Variants in RIMBP2 observed in about 807,000 individuals in gnomAD.
The protein encoded by RIMBP2 is RIMS-binding protein 2.
A neutral mutation model predicts 118.6 loss-of-function variants in RIMBP2; 48 were observed. The observed-to-expected ratio is 0.40, with a 90% CI of 0.32 to 0.51. The LOEUF is 0.51. Ranked by LOEUF, RIMBP2 falls within the 20% of genes least tolerant of loss-of-function variation. The pLI is 0.41. For missense variants in RIMBP2, 1,551 were observed against 1,768.3 expected (o/e 0.88, Z 2.20); for synonymous variants, 762 against 742.9 (o/e 1.03, Z -0.42).
At chr12:130,642,192 T>G (rs1301781834) in intron 1 of RIMBP2, among the ~76,000 whole-genome samples, 1 of 152,164 alleles carries the variant, frequency 6.6e-6, no homozygotes, top group Non-Finnish European at 1.5e-5. Flanking sequence ...AAAGAGAAGA[T>G]GGCTTCCCCT....
In RIMBP2 at chr12:130,683,488, A is replaced by C. The variant is rs531735520; in HGVS notation, c.-352+32734T>G. Among the ~76,000 whole-genome samples, 2 of 152,360 alleles carry C rather than the reference A, an allele frequency of 1.3e-5. No homozygotes were observed. The highest frequency in any genetic ancestry group is 4.1e-4 in the South Asian group (2 of 4,830). ...TGGTATTGTCAGAGGCATGTGAACC[A>C]GAGCAACTCCATCTTGAATAGGGGC... On this transcript the variant is annotated intron_variant, in intron 1 of 22. Coordinates refer to ENST00000690449, the MANE Select transcript of RIMBP2 (RefSeq NM_001393629.1). The surrounding 1 kb of genome is among the most constrained non-coding windows in gnomAD (Gnocchi z 4.4).
intron 2 of RIMBP2, among the ~76,000 whole-genome samples, chr12:130,591,027 A>C (rs915620448): frequency 1.3e-5 from 2 of 152,206 alleles, no homozygotes; most frequent in Non-Finnish European, 2.9e-5. Context: ...AGAAGGATTA[A>C]CATCTTCTCA....
chr12:130,685,540 G>A (rs777528901), intron 1 of RIMBP2, among the ~76,000 whole-genome samples: 11 of 152,090 alleles, frequency 7.2e-5, no homozygotes, highest in Admixed American at 1.3e-4. Context: ...TCTGCCCCTG[G>A]AAGACTGAGT....
At position 130,686,333 on chromosome 12, in the gene RIMBP2, G is replaced by A. The variant is rs558577615; in HGVS notation, c.-352+29889C>T. On this transcript the variant is annotated intron_variant, in intron 1 of 22. Coordinates refer to ENST00000690449, the MANE Select transcript of RIMBP2 (RefSeq NM_001393629.1). ...CACGCTTCACTCCCCTCTGCAAGGT[G>A]CGGCAGCACAGACCCCGCGCCCCCA... Among the ~76,000 whole-genome samples the A allele has an allele frequency of 3.9e-5, 6 of 152,346 alleles. No individual in the cohort carries two copies. The South Asian group carries it at 1.2e-3, about 32-fold the overall frequency.
chr12:130,423,015 A>G (rs1399740064), intron 16 of RIMBP2, among the ~76,000 whole-genome samples: 1 of 152,202 alleles, frequency 6.6e-6, no homozygotes, highest in Non-Finnish European at 1.5e-5. Context: ...TGAGGTTTCA[A>G]AAAACTGAAA....
intron 2 of RIMBP2, among the ~76,000 whole-genome samples, chr12:130,548,038 G>T (rs2055348997): frequency 6.6e-6 from 1 of 152,154 alleles, no homozygotes; most frequent in Admixed American, 6.5e-5. Context: ...AGAAAAGCCT[G>T]CCCTGGTCAC....
chr12:130,451,016 GC>G (rs143011169), intron 8 of RIMBP2, among the ~76,000 whole-genome samples, 178 bp downstream of exon 8: 4,359 of 152,244 alleles, frequency 0.029, 212 homozygotes, highest in African/African-American at 0.1. Context: ...TCACAGAGGG[GC>G]CCCCCCACAT....
chr12:130,485,349 G>T (rs2082385724), intron 4 of RIMBP2, among the ~76,000 whole-genome samples: 1 of 152,236 alleles, frequency 6.6e-6, no homozygotes, highest in Non-Finnish European at 1.5e-5. Context: ...GCTGAGCAAG[G>T]GCTAAAAGCC....
rs1370721241 is a variant in RIMBP2 at position 130,617,243 on chromosome 12, A to G, written c.-217+11079T>C. The stretch of plus-strand genomic sequence containing the variant: ...CACACAAGGGATGCAAGGCTTAGGG[A>G]ACTAGAGCCCAGGCCCACGCCCTGC... On this transcript the variant is annotated intron_variant, in intron 2 of 22. Transcript: ENST00000690449. The surrounding 1 kb of genome is among the most constrained non-coding windows in gnomAD (Gnocchi z 4.6). Among the ~76,000 whole-genome samples the G allele has an allele frequency of 2.1e-5, 3 of 142,318 alleles. No individual in the cohort carries two copies. The highest frequency in any genetic ancestry group is 4.5e-5 in the Non-Finnish European group (3 of 66,158). 93.4% of individuals were successfully genotyped at this position (142,318 alleles called of 152,430 possible).
At chr12:130,405,289 G>A (rs1397250939) in intron 21 of RIMBP2, among the ~76,000 whole-genome samples, 1 of 152,180 alleles carries the variant, frequency 6.6e-6, no homozygotes, top group Admixed American at 6.5e-5. Flanking sequence ...CCTCACCAAA[G>A]GCAAATCAGA....
intron 4 of RIMBP2, among the ~76,000 whole-genome samples, chr12:130,487,559 G>A (rs1200770394): frequency 6.6e-6 from 1 of 152,218 alleles, no homozygotes; most frequent in Non-Finnish European, 1.5e-5. Context: ...TGTACAGCCT[G>A]CAGAACTGTG....
intron 1 of RIMBP2, among the ~76,000 whole-genome samples, chr12:130,660,947 G>A (rs189410151): frequency 8.7e-4 from 133 of 152,276 alleles, no homozygotes; most frequent in Admixed American, 4.2e-3. Flanking sequence ...GGCCCAGCAC[G>A]ATGGCTCACG....
At chr12:130,439,486 T>C (rs2077869336) in intron 11 of RIMBP2, among the ~76,000 whole-genome samples, 1 of 148,414 alleles carries the variant, frequency 6.7e-6, no homozygotes, top group Admixed American at 6.7e-5. Flanking sequence ...TATGTGTGTG[T>C]ATGTGTGTGT....
At chr12:130,699,925 A>AAAAAG (rs1566466878) in intron 1 of RIMBP2, among the ~76,000 whole-genome samples, 1 of 149,588 alleles carries the variant, frequency 6.7e-6, no homozygotes, top group South Asian at 2.1e-4. Flanking sequence ...AAAAAAAAAA[A>AAAAAG]AAAAGAAATA....
At chr12:130,665,118 G>A (rs1594169913) in intron 1 of RIMBP2, among the ~76,000 whole-genome samples, 1 of 151,784 alleles carries the variant, frequency 6.6e-6, no homozygotes, top group East Asian at 1.9e-4. Context: ...TGAAGAGGGG[G>A]CCCTGGGAAT....
chr12:130,524,238 T>C (rs1221086852), intron 2 of RIMBP2, among the ~76,000 whole-genome samples: 1 of 152,122 alleles, frequency 6.6e-6, no homozygotes, highest in Non-Finnish European at 1.5e-5. Flanking sequence ...CTTGTGTAAA[T>C]GAGATGCAAC....
chr12:130,412,611 G>A lies in RIMBP2; in HGVS notation c.3589+8C>T. 6.2e-7 allele frequency: 1 copy of A among 1,613,276 alleles called. No homozygotes were observed. On this transcript the variant is annotated splice_region_variant and intron_variant, in intron 19 of 22. Transcript: ENST00000690449. ...CACAGGGAAGGTCGAATAGGGGTTT[G>A]CGCTTACCTATTTTCTCCACAGGTG... is the stretch of plus-strand genomic sequence containing the variant.
chr12:130,560,144 G>A (rs1045416384), intron 2 of RIMBP2, among the ~76,000 whole-genome samples: 1 of 152,174 alleles, frequency 6.6e-6, no homozygotes, highest in African/African-American at 2.4e-5. Flanking sequence ...AGGCAAAAAT[G>A]TGTTCTAAAG....
chr12:130,456,469 G>A (rs768032413), intron 7 of RIMBP2, 27 bp downstream of exon 7: 1 of 1,537,534 alleles, frequency 6.5e-7, no homozygotes, highest in Non-Finnish European at 8.8e-7. Context: ...CCCCACCACA[G>A]CCAAGGCGGA....
Sources: gnomAD v4.1 joint callset for allele counts (sites outside exome capture counted in the v4.1 genomes callset) on GRCh38, gnomAD v4.1.1 for gene constraint, Gnocchi (gnomAD v3.1) non-coding constraint, MANE v1.5 for transcripts, NCBI Gene and HGNC (gene_info 2026-07-23, HGNC 2026-07-21) for gene names.